The following HOMER2 variants were observed in gnomAD, a reference collection of about 807,000 sequenced individuals.
The protein encoded by HOMER2 is homer scaffold protein 2.
HOMER2 carries 27 observed loss-of-function variants against 47.0 expected under a neutral mutation model. The observed-to-expected ratio is 0.57, with a 90% confidence interval of 0.42 to 0.79. HOMER2 has a LOEUF of 0.79. Ranked by LOEUF, HOMER2 falls within the 30% of genes least tolerant of loss-of-function variation. The probability of loss-of-function intolerance (pLI) is 0.00; values close to 1 mark genes in which losing one functional copy is unlikely to be tolerated. For missense variants in HOMER2, 443 were observed against 435.0 expected (o/e 1.02, Z -0.16); for synonymous variants, 161 against 163.8 (o/e 0.98, Z 0.13).
intron 3 of HOMER2, among the ~76,000 whole-genome samples, chr15:82,865,133 A>G (rs907134061): frequency 6.6e-6 from 1 of 152,228 alleles, no homozygotes; most frequent in Non-Finnish European, 1.5e-5. Flanking sequence ...TAGGGTAAGC[A>G]GTAAAGGTCA....
In HOMER2 at chr15:82,905,805, A is replaced by T. The variant is rs540424246; in HGVS notation, c.6-12964T>A. Among the ~76,000 whole-genome samples, 5 of 152,324 alleles carry T rather than the reference A, an allele frequency of 3.3e-5. No individual in the cohort carries two copies. The South Asian group carries it at 1.0e-3, about 32-fold the overall frequency. On this transcript the variant is annotated intron_variant, in intron 1 of 8. Transcript: ENST00000450735. ...TTGTTGCCAATAGACCTGCCTTACA[A>T]GAAATGTTAAGTGTTTCAGAAAGAA...
At chr15:82,912,902 G>A (rs1318635215) in intron 1 of HOMER2, among the ~76,000 whole-genome samples, 1 of 152,184 alleles carries the variant, frequency 6.6e-6, no homozygotes, top group East Asian at 1.9e-4. Flanking sequence ...ACTGTTCTGG[G>A]CCCTGAATGA....
chr15:82,851,819 G>A (rs2151600531), intron 7 of HOMER2, among the ~76,000 whole-genome samples: 1 of 152,338 alleles, frequency 6.6e-6, no homozygotes, highest in Non-Finnish European at 1.5e-5. Context: ...GTTACATCAT[G>A]GGTCTCTAGC....
At chr15:82,941,442 CAAAA>C (rs10602958) in intron 1 of HOMER2, among the ~76,000 whole-genome samples, 75 of 74,460 alleles carry the variant, frequency 1.0e-3, no homozygotes, top group African/African-American at 2.8e-3. Flanking sequence ...GAGTCTGTCT[CAAAA>C]AAAAAAAAAA....
intron 3 of HOMER2, among the ~76,000 whole-genome samples, chr15:82,865,231 A>G (rs995625224): frequency 1.3e-5 from 2 of 152,246 alleles, no homozygotes; most frequent in African/African-American, 2.4e-5. Context: ...ATGCTGGCAG[A>G]GGAAAATCAC....
intron 1 of HOMER2, among the ~76,000 whole-genome samples, chr15:82,902,925 C>T (rs1163121795): frequency 6.6e-6 from 1 of 152,186 alleles, no homozygotes; most frequent in Admixed American, 6.5e-5. Flanking sequence ...AATAATCTCC[C>T]AGCAATTAAT....
chr15:82,955,035 C>A (rs2151246426), upstream of HOMER2, among the ~76,000 whole-genome samples: 1 of 152,332 alleles, frequency 6.6e-6, no homozygotes, highest in African/African-American at 2.4e-5. Flanking sequence ...CTCAGCCTCC[C>A]AAAGTGCTGG....
At chr15:82,941,885 T>G (rs925913563) in intron 1 of HOMER2, among the ~76,000 whole-genome samples, 2 of 152,206 alleles carry the variant, frequency 1.3e-5, no homozygotes, top group Admixed American at 6.5e-5. Context: ...ATACTATTAT[T>G]ATTCTCATTT....
intron 3 of HOMER2, 110 bp from the exon 4 acceptor site, chr15:82,864,369 A>G: frequency 1.5e-6 from 1 of 648,978 alleles, no homozygotes; most frequent in Non-Finnish European, 2.6e-6. Context: ...CATTCTGTAT[A>G]AATCCAGAAG....
intron 1 of HOMER2, among the ~76,000 whole-genome samples, chr15:82,972,134 CT>C (rs776748513): frequency 2.0e-5 from 3 of 152,162 alleles, no homozygotes; most frequent in Non-Finnish European, 4.4e-5. Context: ...GCCATCACCC[CT>C]ATGTAGTTTC....
intron 3 of HOMER2, among the ~76,000 whole-genome samples, chr15:82,873,173 C>G (rs1242974470): frequency 6.6e-6 from 1 of 152,152 alleles, no homozygotes; most frequent in African/African-American, 2.4e-5. Context: ...GCTGAGCATC[C>G]TACTGTCAAC....
At chr15:82,980,450 G>A (rs534093543) in intron 1 of HOMER2, among the ~76,000 whole-genome samples, 9 of 152,230 alleles carry the variant, frequency 5.9e-5, no homozygotes, top group Admixed American at 1.3e-4. Flanking sequence ...TAAAGGCTCC[G>A]GCCTAACGCT....
At chr15:82,936,531 A>T (rs1314447764) in intron 1 of HOMER2, among the ~76,000 whole-genome samples, 1 of 152,168 alleles carries the variant, frequency 6.6e-6, no homozygotes, top group Non-Finnish European at 1.5e-5. Flanking sequence ...TTTAATGTGG[A>T]TACTGGAAAA....
intron 1 of HOMER2, among the ~76,000 whole-genome samples, chr15:82,897,543 G>A (rs950425259): frequency 6.6e-5 from 10 of 152,158 alleles, no homozygotes; most frequent in Non-Finnish European, 1.3e-4. Context: ...TGAGACCTGT[G>A]ACTTGCTTTT....
chr15:82,869,871 C>G (rs1352306252), intron 3 of HOMER2, among the ~76,000 whole-genome samples: 1 of 152,142 alleles, frequency 6.6e-6, no homozygotes, highest in East Asian at 1.9e-4. Flanking sequence ...ATAAATGATG[C>G]TGCAATCTTT....
At chr15:82,948,148 T>C (rs2054422241) in intron 1 of HOMER2, among the ~76,000 whole-genome samples, 2 of 151,234 alleles carry the variant, frequency 1.3e-5, no homozygotes, top group Admixed American at 1.3e-4. Flanking sequence ...TCCCAGCACT[T>C]TGGGAGGCCG....
chr15:82,862,213 A>G (rs1430044577), intron 4 of HOMER2, among the ~76,000 whole-genome samples: 1 of 152,154 alleles, frequency 6.6e-6, no homozygotes, highest in African/African-American at 2.4e-5. Flanking sequence ...TTAAAAAAAT[A>G]CATACAATAA....
At chr15:82,962,168 A>G (rs2151251446) in intron 1 of HOMER2, among the ~76,000 whole-genome samples, 1 of 151,472 alleles carries the variant, frequency 6.6e-6, no homozygotes, top group Non-Finnish European at 1.5e-5. Context: ...CAGGAGATCG[A>G]GACCATCCTG....
chr15:82,868,867 A>T (rs949728320), intron 3 of HOMER2, among the ~76,000 whole-genome samples: 4 of 139,956 alleles, frequency 2.9e-5, no homozygotes, highest in Admixed American at 7.1e-5. Flanking sequence ...ATATATATAT[A>T]TTTAGACCTA....
Sources: allele counts gnomAD v4.1 joint callset (sites outside exome capture counted in the v4.1 genomes callset), GRCh38; gene constraint gnomAD v4.1.1; transcripts MANE v1.5; gene names NCBI Gene and HGNC (gene_info 2026-07-23, HGNC 2026-07-21).